PRC1: variants seen among roughly 807,000 people sequenced by gnomAD.
PRC1 encodes the protein anaphase spindle elongation 1 homolog.
In PRC1, 54 loss-of-function variants were observed where a neutral mutation model predicts 91.2. The ratio of observed to expected loss-of-function variants is 0.59; its 90% CI spans 0.48 to 0.74. PRC1 has a LOEUF of 0.74. PRC1 is among the 30% of genes least tolerant of loss of function. The pLI, the probability that PRC1 is intolerant of heterozygous loss-of-function variation, is 0.00. For missense variants in PRC1, 727 were observed against 746.2 expected (o/e 0.97, Z 0.30); for synonymous variants, 275 against 263.6 (o/e 1.04, Z -0.42).
rs567878344 is a variant in PRC1, at chr15:90,966,478, C to G, written c.*653G>C. 4.9e-6 allele frequency: 2 copies of G among 405,282 alleles called. No homozygotes were observed. Among genetic ancestry groups the G allele is most frequent in the East Asian group, 8.0e-5 (1 of 12,566 alleles). The allele number at this position is 405,282 out of a possible 1,614,324, so 25.1% of individuals were successfully genotyped here. On this transcript the variant is annotated 3_prime_UTR_variant, in exon 15 of 15. Coordinates refer to ENST00000394249, the MANE Select transcript of PRC1 (RefSeq NM_003981.4). Reference sequence around the variant, plus strand: ...AGGGACAAACGCCGAGAAAGCGTTCCGACAAGCATGTGTGTTCATACATGC... The same window carrying G: ...AGGGACAAACGCCGAGAAAGCGTTCGGACAAGCATGTGTGTTCATACATGC...
Position 90,980,266 on chromosome 15 carries a change from G to T in PRC1, c.946C>A (p.Gln316Lys). 6.2e-7 allele frequency: 1 copy of T among 1,612,486 alleles called. No individual in the cohort carries two copies. Among genetic ancestry groups the T allele is most frequent in the Non-Finnish European group, 8.5e-7 (1 of 1,179,630 alleles). ...CCAGCACAGAAAGGGGCAAAAGCTTGTCTCTGCTCCTGGCTATAAAAGCAC... is the reference window on the plus strand; with the variant it reads ...CCAGCACAGAAAGGGGCAAAAGCTTTTCTCTGCTCCTGGCTATAAAAGCAC... Reference protein sequence around the residue: ...DQCFYSQEQRQAFAPFCAEDY... With the variant: ...DQCFYSQEQRKAFAPFCAEDY... Residue 316 changes from glutamine to lysine, a missense_variant, in exon 7 of 15, where the codon CAA becomes AAA. Coordinates refer to ENST00000394249, the MANE Select transcript of PRC1 (RefSeq NM_003981.4).
At chr15:90,976,517 A>C (rs1456915264) in intron 9 of PRC1, among the ~76,000 whole-genome samples, 159 bp downstream of exon 9, 3 of 152,140 alleles carry the variant, frequency 2.0e-5, no homozygotes, top group African/African-American at 7.2e-5. Flanking sequence ...AAACGAATAC[A>C]CCTTGATATG....
intron 9 of PRC1, among the ~76,000 whole-genome samples, chr15:90,976,038 G>C (rs2038660706): frequency 6.6e-6 from 1 of 152,128 alleles, no homozygotes; most frequent in South Asian, 2.1e-4. Context: ...AGAGTTGTGA[G>C]AAAATAAGTT....
Position 90,974,673 on chromosome 15 carries a change from A to T in PRC1, c.1262T>A (p.Phe421Tyr). Residue 421 changes from phenylalanine to tyrosine, a missense_variant, in exon 10 of 15, where the codon TTT becomes TAT. Physicochemically the swap from Phe to Tyr is conservative, Grantham distance 22 (BLOSUM62 3). Coordinates refer to ENST00000394249, the MANE Select transcript of PRC1 (RefSeq NM_003981.4). The surrounding 1 kb of genome is among the most constrained non-coding windows in gnomAD (Gnocchi z 4.6). ...ELWEQEHSKA[F>Y]MVNGQKFMEY... ...CATGAATTTCTGCCCATTCACCATA[A>T]ATGCCTTTGAATGTTCCTGTTCCCA... is the stretch of plus-strand genomic sequence containing the variant. 2 of 1,614,128 alleles carry T rather than the reference A, an allele frequency of 1.2e-6. No homozygotes were observed. Among genetic ancestry groups the T allele is most frequent in the Non-Finnish European group, 1.7e-6 (2 of 1,180,026 alleles).
chr15:90,993,878 TTCG>T (rs1187037946), intron 1 of PRC1, among the ~76,000 whole-genome samples: 9 of 151,732 alleles, frequency 5.9e-5, no homozygotes, highest in African/African-American at 2.2e-4. Flanking sequence ...AAGCCAGGAG[TTCG>T]AGACCAGCCT....
chr15:90,990,490 T>C (rs890987287), intron 1 of PRC1, among the ~76,000 whole-genome samples: 3 of 151,142 alleles, frequency 2.0e-5, no homozygotes, highest in Non-Finnish European at 4.4e-5. Context: ...GCTCCCAAAG[T>C]GCTGGAATTA....
chr15:90,971,431 G>A (rs1230840206), intron 11 of PRC1, among the ~76,000 whole-genome samples: 1 of 151,992 alleles, frequency 6.6e-6, no homozygotes, highest in African/African-American at 2.4e-5. Context: ...GACCACAGGC[G>A]TGTGCCACCA....
chr15:90,981,197 G>C, intron 5 of PRC1, 164 bp from the exon 6 acceptor site: 1 of 938,128 alleles, frequency 1.1e-6, no homozygotes, highest in South Asian at 1.8e-5. Context: ...AAGGCTGTCG[G>C]GATCTCAGAC....
rs1355372769 is a variant in PRC1, at chr15:90,981,125, G to A, written c.673-92C>T. The A allele has an allele frequency of 9.2e-6, 14 of 1,523,388 alleles. No homozygotes were observed. The East Asian group carries it at 2.9e-4, about 32-fold the overall frequency. 94.4% of individuals were successfully genotyped at this position (1,523,388 alleles called of 1,614,324 possible). A position where few individuals can be genotyped will look rare whatever the true frequency, so the allele number is the denominator to read the frequency against. ...CCGCAAAGAAATGTCTGGAGTAGAG[G>A]AGGAGGCACTTTCATGAGAGTTCAA... On this transcript the variant is annotated intron_variant, in intron 5 of 14. Coordinates refer to ENST00000394249, the MANE Select transcript of PRC1 (RefSeq NM_003981.4).
Position 90,994,494 on chromosome 15 carries a change from A to C in PRC1, c.-77T>G. The C allele has an allele frequency of 6.5e-6, 10 of 1,530,532 alleles. No homozygotes were observed. Among genetic ancestry groups the C allele is most frequent in the Non-Finnish European group, 8.9e-6 (10 of 1,129,790 alleles). The allele number at this position is 1,530,532 out of a possible 1,614,324, so 94.8% of individuals were successfully genotyped here. On this transcript the variant is annotated 5_prime_UTR_variant, in exon 1 of 15. Coordinates refer to ENST00000394249, the MANE Select transcript of PRC1 (RefSeq NM_003981.4). Reference sequence around the variant, plus strand: ...CCCCGAGAGCAACAACCACCCGCAAACACCGGCGATGTCACTCCGCGTAGC... The same window carrying C: ...CCCCGAGAGCAACAACCACCCGCAACCACCGGCGATGTCACTCCGCGTAGC...
intron 1 of PRC1, among the ~76,000 whole-genome samples, chr15:90,986,966 CAGAG>C (rs769033924): frequency 4.6e-5 from 7 of 151,694 alleles, no homozygotes; most frequent in Non-Finnish European, 1.0e-4. Flanking sequence ...ATTCCGTTGA[CAGAG>C]AGTTCAAAAA....
At chr15:90,990,175 A>G (rs1305662788) in intron 1 of PRC1, among the ~76,000 whole-genome samples, 2 of 151,812 alleles carry the variant, frequency 1.3e-5, no homozygotes, top group African/African-American at 4.8e-5. Flanking sequence ...GTCTCTACTA[A>G]AAATACAAAA....
intron 5 of PRC1, chr15:90,981,261 G>T: frequency 1.4e-6 from 1 of 691,104 alleles, no homozygotes; most frequent in Non-Finnish European, 2.3e-6. Context: ...TTAAACACTA[G>T]TCTAATTCAA....
rs753047247 is a variant in PRC1 at position 90,981,620 on chromosome 15, C to T, written c.551G>A (p.Cys184Tyr). 2 of 1,614,068 alleles carry T rather than the reference C, an allele frequency of 1.2e-6. No homozygotes were observed. Among genetic ancestry groups the T allele is most frequent in the South Asian group, 2.2e-5 (2 of 91,084 alleles). ...TGGGGTGTGGTCTAATGCTTCCATA[C>T]ACAGTATGATCTGTCTCTTTATACT... ...FVSIKRQIIL[C>Y]MEALDHTPDT... Residue 184 changes from cysteine to tyrosine, a missense_variant, in exon 5 of 15, where the codon TGT becomes TAT. Cys to Tyr is a radical substitution (Grantham distance 194). Transcript: ENST00000394249.
At chr15:90,976,539 A>T in intron 9 of PRC1, 137 bp downstream of exon 9, 1 of 704,190 alleles carries the variant, frequency 1.4e-6, no homozygotes, top group Non-Finnish European at 2.3e-6. Flanking sequence ...AGTTGCTTAT[A>T]CTAAATATAT....
At chr15:90,992,029 TA>T (rs2040010361) in intron 1 of PRC1, among the ~76,000 whole-genome samples, 2 of 152,218 alleles carry the variant, frequency 1.3e-5, no homozygotes, top group African/African-American at 4.8e-5. Context: ...TTCTGGAACA[TA>T]CCAGGCGCTA....
intron 1 of PRC1, among the ~76,000 whole-genome samples, chr15:90,991,369 G>T (rs1407403188): frequency 6.6e-6 from 1 of 151,268 alleles, no homozygotes; most frequent in African/African-American, 2.4e-5. Flanking sequence ...AGGTTGCAGT[G>T]AGCTGAGATC....
Position 90,981,498 on chromosome 15 carries a change from C to A in PRC1, c.672+1G>T. On this transcript the variant is annotated splice_donor_variant, in intron 5 of 14. Transcript: ENST00000394249. LOFTEE classifies it high-confidence loss of function. ...TAGGGCATAATTTGAGAAGACAGTACCTGCCGTAGCAACTTTTGTAGTGTT... is the reference window on the plus strand; with the variant it reads ...TAGGGCATAATTTGAGAAGACAGTAACTGCCGTAGCAACTTTTGTAGTGTT... The A allele has an allele frequency of 6.2e-7, 1 of 1,613,698 alleles. No homozygotes were observed. The highest frequency in any genetic ancestry group is 8.5e-7 in the Non-Finnish European group (1 of 1,180,038).
chr15:90,983,980 C>G (rs747443380), intron 3 of PRC1, 38 bp downstream of exon 3: 112 of 1,609,964 alleles, frequency 7.0e-5, no homozygotes, highest in Non-Finnish European at 9.3e-5. Context: ...TCTCAGGCCC[C>G]AGACAGATCA....
Sources: allele counts gnomAD v4.1 joint callset (sites outside exome capture counted in the v4.1 genomes callset), GRCh38; gene constraint gnomAD v4.1.1; non-coding constraint Gnocchi (gnomAD v3.1); transcripts MANE v1.5; gene names NCBI Gene and HGNC (gene_info 2026-07-23, HGNC 2026-07-21).